The following MDGA2 variants were observed in gnomAD, a reference collection of about 807,000 sequenced individuals.
MDGA2 encodes MAM domain containing glycosylphosphatidylinositol anchor 2.
Under a neutral mutation model 117.8 loss-of-function variants are expected in MDGA2, and 40 were observed. That is an observed-to-expected ratio of 0.34 (90% CI 0.26 to 0.44). MDGA2 has a LOEUF of 0.44. MDGA2 is among the 20% of genes least tolerant of loss of function. The probability of loss-of-function intolerance (pLI) is 1.00; values close to 1 mark genes in which losing one functional copy is unlikely to be tolerated. For missense variants in MDGA2, 1,123 were observed against 1,250.6 expected (o/e 0.90, Z 1.54); for synonymous variants, 452 against 439.0 (o/e 1.03, Z -0.37).
chr14:47,410,656 GAAC>G (rs758969149), intron 1 of MDGA2, among the ~76,000 whole-genome samples: 21 of 152,008 alleles, frequency 1.4e-4, no homozygotes, highest in Non-Finnish European at 2.9e-4. Flanking sequence ...CCATTTCAGA[GAAC>G]AACAACTTTT....
intron 1 of MDGA2, among the ~76,000 whole-genome samples, chr14:47,512,948 T>A (rs993852256): frequency 1.3e-5 from 2 of 151,994 alleles, no homozygotes; most frequent in South Asian, 2.1e-4. Context: ...AAGGAAACTT[T>A]TAATAATATC....
At chr14:47,035,889 A>G (rs182482341) in intron 7 of MDGA2, among the ~76,000 whole-genome samples, 54 of 152,256 alleles carry the variant, frequency 3.5e-4, no homozygotes, top group South Asian at 1.0e-3. Flanking sequence ...TTTTGATGTC[A>G]TTGTAAATAG....
intron 7 of MDGA2, among the ~76,000 whole-genome samples, chr14:47,045,237 A>G (rs1889214929): frequency 8.1e-6 from 1 of 124,202 alleles, no homozygotes; most frequent in African/African-American, 3.4e-5. Flanking sequence ...ATGGGACTTC[A>G]GCTAAGGTTG....
At position 47,356,485 on chromosome 14, in the gene MDGA2, T is replaced by A. The variant is rs117796956; in HGVS notation, c.281-54935A>T. ...TCTCCCATGTTATAGCTGGTAGAGA[T>A]AATCTGTCTGAATGTTGAATATGCC... On this transcript the variant is annotated intron_variant, in intron 1 of 16. Coordinates refer to ENST00000399232, the MANE Select transcript of MDGA2 (RefSeq NM_001113498.3). Among the ~76,000 whole-genome samples the A allele has an allele frequency of 9.9e-3, 1,503 of 152,268 alleles. 15 individuals are homozygous for A. The highest frequency in any genetic ancestry group is 0.016 in the Non-Finnish European group (1,080 of 68,026).
chr14:47,614,060 T>A (rs1275972019), intron 1 of MDGA2, among the ~76,000 whole-genome samples: 1 of 151,554 alleles, frequency 6.6e-6, no homozygotes, highest in Non-Finnish European at 1.5e-5. Flanking sequence ...TTGTTTAAAT[T>A]TGCCCAGAGA....
At chr14:47,277,026 C>T (rs1888330524) in intron 2 of MDGA2, among the ~76,000 whole-genome samples, 1 of 152,122 alleles carries the variant, frequency 6.6e-6, no homozygotes, top group African/African-American at 2.4e-5. Flanking sequence ...AGGGCCTGAC[C>T]ACGGCGGACA....
chr14:46,959,681 T>G (rs1045275479), intron 8 of MDGA2, among the ~76,000 whole-genome samples: 3 of 152,220 alleles, frequency 2.0e-5, no homozygotes, highest in Admixed American at 2.0e-4. Context: ...TGCCTTCTTT[T>G]AGATGGATGG....
At chr14:47,575,934 T>C (rs1448009386) in intron 1 of MDGA2, among the ~76,000 whole-genome samples, 1 of 152,210 alleles carries the variant, frequency 6.6e-6, no homozygotes, top group African/African-American at 2.4e-5. Context: ...TGATGCATTT[T>C]GGAATTCAGT....
chr14:47,111,151 AC>A (rs1389494035), intron 5 of MDGA2, among the ~76,000 whole-genome samples: 9 of 152,158 alleles, frequency 5.9e-5, no homozygotes, highest in African/African-American at 1.9e-4. Flanking sequence ...GGAGGTAGGT[AC>A]TATTATTACT....
intron 1 of MDGA2, among the ~76,000 whole-genome samples, chr14:47,391,036 A>G (rs1164032449): frequency 2.0e-5 from 3 of 152,176 alleles, no homozygotes; most frequent in Non-Finnish European, 4.4e-5. Flanking sequence ...GACTAGAGAC[A>G]TAGCATGTTA....
At chr14:47,000,654 TC>T (rs1887499164) in intron 8 of MDGA2, among the ~76,000 whole-genome samples, 1 of 151,270 alleles carries the variant, frequency 6.6e-6, no homozygotes, top group Non-Finnish European at 1.5e-5. Context: ...GCCTTTGTAA[TC>T]CATAAGTTCA....
intron 1 of MDGA2, among the ~76,000 whole-genome samples, chr14:47,615,858 G>A (rs528981230): frequency 5.9e-5 from 9 of 152,208 alleles, no homozygotes; most frequent in African/African-American, 1.9e-4. Context: ...CCCCAGAACT[G>A]AGTGGACTGA....
At chr14:47,364,400 G>T (rs754703954) in intron 1 of MDGA2, among the ~76,000 whole-genome samples, 2 of 152,160 alleles carry the variant, frequency 1.3e-5, no homozygotes, top group Non-Finnish European at 2.9e-5. Context: ...AAGTAGCTGG[G>T]ACTACAGGTG....
At chr14:47,256,021 C>T (rs1420979187) in intron 2 of MDGA2, among the ~76,000 whole-genome samples, 2 of 151,976 alleles carry the variant, frequency 1.3e-5, no homozygotes, top group East Asian at 1.9e-4. Context: ...AAGTTTGATG[C>T]CCACCTCCAG....
At chr14:47,284,674 C>A (rs1302881409) in intron 2 of MDGA2, among the ~76,000 whole-genome samples, 1 of 151,996 alleles carries the variant, frequency 6.6e-6, no homozygotes, top group East Asian at 1.9e-4. Context: ...AAATGCAAAC[C>A]CATCTCTAAT....
At chr14:46,891,376 A>G (rs1262651029) in intron 10 of MDGA2, among the ~76,000 whole-genome samples, 2 of 151,740 alleles carry the variant, frequency 1.3e-5, no homozygotes, top group Non-Finnish European at 2.9e-5. Flanking sequence ...AAACATACAG[A>G]ATAAATAATG....
intron 5 of MDGA2, among the ~76,000 whole-genome samples, chr14:47,104,136 A>G (rs1305715932): frequency 2.0e-5 from 3 of 152,214 alleles, no homozygotes. Context: ...AAAACTGCCA[A>G]AAGTTACATT....
intron 10 of MDGA2, among the ~76,000 whole-genome samples, chr14:46,909,397 T>G (rs553623655): frequency 9.2e-5 from 14 of 152,190 alleles, no homozygotes; most frequent in Admixed American, 5.9e-4. Context: ...TTTCCCATGT[T>G]TTCCTCAGAT....
chr14:47,463,843 G>C (rs1323211533), intron 1 of MDGA2, among the ~76,000 whole-genome samples: 1 of 151,850 alleles, frequency 6.6e-6, no homozygotes, highest in East Asian at 1.9e-4. Flanking sequence ...TAATAATGTA[G>C]AGGCTCAAAG....
Sources: allele counts gnomAD v4.1 joint callset (sites outside exome capture counted in the v4.1 genomes callset), GRCh38; gene constraint gnomAD v4.1.1; transcripts MANE v1.5; gene names NCBI Gene and HGNC (gene_info 2026-07-23, HGNC 2026-07-21).